SMYD3: variants seen among roughly 807,000 people sequenced by gnomAD.
SMYD3 encodes SET and MYND domain containing 3.
A neutral mutation model predicts 57.7 loss-of-function variants in SMYD3; 36 were observed. That is an observed-to-expected ratio of 0.62 (90% confidence interval 0.48 to 0.82). The LOEUF is 0.82. Ranked by LOEUF, SMYD3 falls within the 40% of genes least tolerant of loss-of-function variation. The pLI is 0.00. For synonymous variants in SMYD3, 211 were observed against 195.0 expected (o/e 1.08, Z -0.68); for missense variants, 515 against 538.8 (o/e 0.96, Z 0.44).
intron 5 of SMYD3, among the ~76,000 whole-genome samples, chr1:246,106,162 T>C (rs2061114712): frequency 6.6e-6 from 1 of 152,300 alleles, no homozygotes; most frequent in East Asian, 1.9e-4. Flanking sequence ...GGAAAATTAA[T>C]AAACCTCGGA....
chr1:246,255,345 T>C (rs1239966078), intron 5 of SMYD3, among the ~76,000 whole-genome samples: 3 of 151,026 alleles, frequency 2.0e-5, no homozygotes, highest in African/African-American at 7.3e-5. Context: ...ATTATTATTA[T>C]TTTCCTTCAA....
chr1:246,398,397 C>T lies in SMYD3; in HGVS notation c.165-43303G>A, dbSNP rs748317059. The stretch of plus-strand genomic sequence containing the variant: ...ACAGCCCGCCTGTGAGCTTAGAAGG[C>T]GGAGTCAGCCATGCTGGACTTCTCT... On this transcript the variant is annotated intron_variant, in intron 1 of 11. Transcript: ENST00000490107. Among the ~76,000 whole-genome samples, 11 of 152,228 alleles carry T rather than the reference C, an allele frequency of 7.2e-5. 1 individual carries two copies. The highest frequency in any genetic ancestry group is 3.9e-4 in the Admixed American group (6 of 15,290).
intron 1 of SMYD3, among the ~76,000 whole-genome samples, chr1:246,416,992 G>A (rs2067073034): frequency 6.6e-6 from 1 of 152,164 alleles, no homozygotes; most frequent in African/African-American, 2.4e-5. Context: ...CAGACAGACT[G>A]TTCGTCTGTT....
intron 5 of SMYD3, among the ~76,000 whole-genome samples, chr1:246,020,972 G>A (rs921830858): frequency 3.3e-5 from 5 of 152,128 alleles, no homozygotes; most frequent in African/African-American, 9.7e-5. Context: ...ACAGCTCCCA[G>A]AACAAACGTG....
At chr1:246,325,712 C>A (rs943038827) in intron 5 of SMYD3, 3 of 152,076 alleles carry the variant, frequency 2.0e-5, no homozygotes, top group Non-Finnish European at 4.4e-5. Context: ...AAATATTTTT[C>A]ATGGATATTA....
intron 5 of SMYD3, among the ~76,000 whole-genome samples, chr1:246,070,704 G>A (rs149886445): frequency 1.6e-4 from 25 of 152,300 alleles, no homozygotes; most frequent in Admixed American, 1.3e-3. Context: ...TTGTGTTTAC[G>A]TTCACCTAAG....
At chr1:245,895,315 C>G (rs1297154387) in intron 8 of SMYD3, among the ~76,000 whole-genome samples, 1 of 152,174 alleles carries the variant, frequency 6.6e-6, no homozygotes, top group African/African-American at 2.4e-5. Context: ...CACACGCACG[C>G]ACACACTTCT....
chr1:246,498,353 G>A (rs111659965), intron 1 of SMYD3, among the ~76,000 whole-genome samples: 3,377 of 152,312 alleles, frequency 0.022, 53 homozygotes, highest in Non-Finnish European at 0.031. Context: ...TAACGAATAA[G>A]GAAGATCTCC....
At chr1:246,383,891 T>C (rs1033883835) in intron 1 of SMYD3, among the ~76,000 whole-genome samples, 1 of 152,220 alleles carries the variant, frequency 6.6e-6, no homozygotes, top group Non-Finnish European at 1.5e-5. Flanking sequence ...ACTCTGTTAT[T>C]GATATCTTCA....
At chr1:246,339,226 C>T (rs2065592025) in intron 2 of SMYD3, among the ~76,000 whole-genome samples, 2 of 152,176 alleles carry the variant, frequency 1.3e-5, no homozygotes, top group Admixed American at 1.3e-4. Flanking sequence ...AACACGGCTT[C>T]TGACCCGCAT....
intron 1 of SMYD3, among the ~76,000 whole-genome samples, chr1:246,394,239 G>A (rs183725477): frequency 6.4e-4 from 98 of 152,134 alleles, no homozygotes; most frequent in Admixed American, 2.5e-3. Context: ...CAAAACCCAA[G>A]ATCTCTAACA....
At chr1:246,089,618 T>G (rs756683303) in intron 5 of SMYD3, among the ~76,000 whole-genome samples, 1 of 152,182 alleles carries the variant, frequency 6.6e-6, no homozygotes, top group Non-Finnish European at 1.5e-5. Flanking sequence ...TAAAAATATT[T>G]CTATTTCACT....
chr1:245,962,508 T>C (rs1278630352), intron 5 of SMYD3, among the ~76,000 whole-genome samples: 2 of 152,180 alleles, frequency 1.3e-5, no homozygotes, highest in East Asian at 3.9e-4. Flanking sequence ...ATGGTTATTT[T>C]ATTCCTCCAT....
chr1:246,156,717 G>A (rs778734736), intron 5 of SMYD3, among the ~76,000 whole-genome samples: 1 of 152,148 alleles, frequency 6.6e-6, no homozygotes, highest in Non-Finnish European at 1.5e-5. Flanking sequence ...AGGTGTTTTG[G>A]GGAGCAAAGA....
chr1:246,210,964 G>A (rs776253436), intron 5 of SMYD3, among the ~76,000 whole-genome samples: 11 of 152,082 alleles, frequency 7.2e-5, no homozygotes, highest in Non-Finnish European at 8.8e-5. Flanking sequence ...TGTCCCAGGC[G>A]CGTCTGCTGT....
chr1:246,349,587 GAC>G (rs1309298412), intron 2 of SMYD3, among the ~76,000 whole-genome samples: 3 of 151,626 alleles, frequency 2.0e-5, no homozygotes, highest in African/African-American at 4.9e-5. Flanking sequence ...CAGCCTGGGT[GAC>G]AGAGAGAGAT....
chr1:246,023,751 T>C (rs371936940), intron 5 of SMYD3, among the ~76,000 whole-genome samples: 17 of 151,898 alleles, frequency 1.1e-4, no homozygotes, highest in East Asian at 1.9e-4. Context: ...TTTCCAGCTA[T>C]GTATCTTTGG....
At chr1:246,205,818 C>CA (rs1165587311) in intron 5 of SMYD3, among the ~76,000 whole-genome samples, 1 of 152,006 alleles carries the variant, frequency 6.6e-6, no homozygotes, top group Non-Finnish European at 1.5e-5. Context: ...GATGCCACCT[C>CA]AAAAAACAAC....
In SMYD3 at chr1:246,036,057, T is replaced by C. The variant is rs543001780; in HGVS notation, c.532-106120A>G. On this transcript the variant is annotated intron_variant, in intron 5 of 11. Transcript: ENST00000490107. ...AGCATTTAAAAAATATACAGTGTCA[T>C]TGATTTTAAGTATGTTGAAGAAAAA... Among the ~76,000 whole-genome samples the C allele has an allele frequency of 1.2e-4, 18 of 152,304 alleles. No individual in the cohort carries two copies. In the East Asian group the frequency reaches 2.5e-3, roughly 21 times the overall value.
Sources: gnomAD v4.1 joint callset for allele counts (sites outside exome capture counted in the v4.1 genomes callset) on GRCh38, gnomAD v4.1.1 for gene constraint, MANE v1.5 for transcripts, NCBI Gene and HGNC (gene_info 2026-07-23, HGNC 2026-07-21) for gene names.